ITFG1: variants seen among roughly 807,000 people sequenced by gnomAD.
ITFG1 encodes integrin alpha FG-GAP repeat containing 1.
ITFG1 carries 34 observed loss-of-function variants against 81.8 expected under a neutral mutation model. The observed-to-expected ratio is 0.42, with a 90% confidence interval of 0.32 to 0.55. The LOEUF (loss-of-function observed/expected upper bound fraction) is 0.55, where lower values mean the gene tolerates loss of function less well. Among genes scored for constraint, ITFG1 ranks in the 20% least tolerant of loss-of-function variants. ITFG1 has a pLI of 0.17. For synonymous variants in ITFG1, 285 were observed against 270.6 expected (o/e 1.05, Z -0.52); for missense variants, 672 against 755.4 (o/e 0.89, Z 1.29).
At chr16:47,163,184 A>C (rs1964836242) in intron 14 of ITFG1, among the ~76,000 whole-genome samples, 1 of 152,214 alleles carries the variant, frequency 6.6e-6, no homozygotes, top group Admixed American at 6.5e-5. Flanking sequence ...GTGTACAGTT[A>C]AGTGGTTTTG....
chr16:47,323,152 G>A (rs1967474363), intron 8 of ITFG1, among the ~76,000 whole-genome samples: 1 of 152,014 alleles, frequency 6.6e-6, no homozygotes, highest in South Asian at 2.1e-4. Flanking sequence ...GCCTAATGAG[G>A]CACTATTGAG....
At chr16:47,396,585 T>A (rs895787131) in intron 6 of ITFG1, among the ~76,000 whole-genome samples, 24 of 145,254 alleles carry the variant, frequency 1.7e-4, no homozygotes, top group Admixed American at 1.2e-3. Flanking sequence ...TGGGTTTACC[T>A]AGAATTAGGG....
chr16:47,413,370 T>C (rs961572591), intron 6 of ITFG1, among the ~76,000 whole-genome samples: 6 of 152,104 alleles, frequency 3.9e-5, no homozygotes, highest in Non-Finnish European at 7.4e-5. Flanking sequence ...GTGCTAAATA[T>C]AGAAATGAAA....
intron 6 of ITFG1, among the ~76,000 whole-genome samples, chr16:47,413,569 A>G (rs1410642834): frequency 6.6e-6 from 1 of 152,056 alleles, no homozygotes; most frequent in Non-Finnish European, 1.5e-5. Flanking sequence ...GATGGCACAC[A>G]TCTGTAATCC....
chr16:47,197,163 T>C (rs1047763872), intron 14 of ITFG1, among the ~76,000 whole-genome samples: 1 of 152,216 alleles, frequency 6.6e-6, no homozygotes, highest in Non-Finnish European at 1.5e-5. Context: ...AATGTTACAT[T>C]TGCAGACAAT....
intron 10 of ITFG1, among the ~76,000 whole-genome samples, chr16:47,264,872 T>C (rs988027878): frequency 9.2e-5 from 14 of 152,158 alleles, no homozygotes; most frequent in African/African-American, 3.1e-4. Flanking sequence ...TTATAAGCCA[T>C]TCACATTTTT....
At chr16:47,217,546 G>T (rs79075304) in intron 14 of ITFG1, among the ~76,000 whole-genome samples, 10,486 of 152,210 alleles carry the variant, frequency 0.069, 599 homozygotes, top group African/African-American at 0.15. Context: ...ATATGTACAT[G>T]AATTAAAAAC....
chr16:47,381,842 T>TC (rs1173024331), intron 6 of ITFG1, among the ~76,000 whole-genome samples: 2 of 152,232 alleles, frequency 1.3e-5, no homozygotes, highest in Admixed American at 1.3e-4. Context: ...ATTCTGTAGC[T>TC]CAGAGGTCAT....
At chr16:47,319,384 G>C (rs1041174247) in intron 8 of ITFG1, among the ~76,000 whole-genome samples, 2 of 152,150 alleles carry the variant, frequency 1.3e-5, no homozygotes, top group African/African-American at 4.8e-5. Context: ...TAGAGAAAAT[G>C]TCCATCAACT....
intron 6 of ITFG1, among the ~76,000 whole-genome samples, chr16:47,423,251 ATTTTTTT>A (rs748793229): frequency 4.2e-4 from 50 of 118,304 alleles, no homozygotes; most frequent in African/African-American, 1.2e-3. Context: ...GCAATCCCTG[ATTTTTTT>A]TTTTTTTTTT....
At chr16:47,425,685 C>T (rs1013183780) in intron 6 of ITFG1, 2 of 151,790 alleles carry the variant, frequency 1.3e-5, no homozygotes, top group Non-Finnish European at 2.9e-5. Flanking sequence ...CTCTGCCTCC[C>T]AGGATCAAGT....
At chr16:47,240,544 C>T (rs540449435) in intron 12 of ITFG1, among the ~76,000 whole-genome samples, 23 of 152,204 alleles carry the variant, frequency 1.5e-4, no homozygotes, top group Non-Finnish European at 2.5e-4. Flanking sequence ...TGAAAAGATG[C>T]GCAACATCAT....
Position 47,181,436 on chromosome 16 carries a change from G to A in ITFG1, c.1454-18772C>T, listed in dbSNP as rs1477954298. Among the ~76,000 whole-genome samples the A allele has an allele frequency of 3.5e-5, 5 of 144,140 alleles. 1 individual carries two copies. Among genetic ancestry groups the A allele is most frequent in the Admixed American group, 2.7e-4 (4 of 14,768 alleles). The allele number at this position is 144,140 out of a possible 152,430, so 94.6% of individuals were successfully genotyped here. A position where few individuals can be genotyped will look rare whatever the true frequency, so the allele number is the denominator to read the frequency against. ...GCCCCCCCGCCCGGCCAGCCGCCCCGTCCGGGAGGGAGGTGGGGGGGGTCA... is the reference window on the plus strand; with the variant it reads ...GCCCCCCCGCCCGGCCAGCCGCCCCATCCGGGAGGGAGGTGGGGGGGGTCA... On this transcript the variant is annotated intron_variant, in intron 14 of 17. Transcript: ENST00000320640.
At chr16:47,340,088 A>C (rs1388652017) in intron 8 of ITFG1, among the ~76,000 whole-genome samples, 3 of 152,192 alleles carry the variant, frequency 2.0e-5, no homozygotes, top group Admixed American at 6.5e-5. Flanking sequence ...CAGTAAACCC[A>C]AAATTTTATA....
At chr16:47,432,700 T>A (rs969078283) in intron 5 of ITFG1, among the ~76,000 whole-genome samples, 1 of 152,232 alleles carries the variant, frequency 6.6e-6, no homozygotes, top group Admixed American at 6.5e-5. Context: ...TGTAAGGTAA[T>A]TCACGCCAAG....
chr16:47,276,749 C>T (rs946948517), intron 10 of ITFG1, among the ~76,000 whole-genome samples: 1 of 152,056 alleles, frequency 6.6e-6, no homozygotes, highest in Admixed American at 6.6e-5. Flanking sequence ...TACACACAAA[C>T]GTGGCATTAC....
At chr16:47,320,414 C>T (rs755544054) in intron 8 of ITFG1, among the ~76,000 whole-genome samples, 2 of 152,094 alleles carry the variant, frequency 1.3e-5, no homozygotes, top group Non-Finnish European at 1.5e-5. Context: ...CTGTTTTGTT[C>T]TAGTACTTTG....
At chr16:47,252,315 G>C (rs1226170969) in intron 12 of ITFG1, among the ~76,000 whole-genome samples, 1 of 152,100 alleles carries the variant, frequency 6.6e-6, no homozygotes, top group Non-Finnish European at 1.5e-5. Flanking sequence ...CCCAGAGGCA[G>C]GCAAGGGGAA....
intron 3 of ITFG1, among the ~76,000 whole-genome samples, 154 bp downstream of exon 3, chr16:47,453,855 GGGTT>G (rs1969418414): frequency 6.6e-6 from 1 of 152,104 alleles, no homozygotes; most frequent in Non-Finnish European, 1.5e-5. Context: ...GCCCAGTTCA[GGGTT>G]GAAAAAGAAA....
Sources: allele counts gnomAD v4.1 joint callset (sites outside exome capture counted in the v4.1 genomes callset), GRCh38; gene constraint gnomAD v4.1.1; transcripts MANE v1.5; gene names NCBI Gene and HGNC (gene_info 2026-07-23, HGNC 2026-07-21).